FRMD5: variants seen among roughly 807,000 people sequenced by gnomAD.
FRMD5 encodes FERM domain containing 5.
A neutral mutation model predicts 69.0 loss-of-function variants in FRMD5; 20 were observed. That is an observed-to-expected ratio of 0.29 (90% confidence interval 0.20 to 0.42). The LOEUF is 0.42. Among genes scored for constraint, FRMD5 ranks in the 10% least tolerant of loss-of-function variants. FRMD5 has a pLI of 1.00. For missense variants in FRMD5, 595 were observed against 708.6 expected, an observed-to-expected ratio of 0.84 and a Z score of 1.82; for synonymous variants, 271 against 260.1, an observed-to-expected ratio of 1.04 and a Z score of -0.40.
At chr15:43,976,329 A>T (rs1226294575) in intron 1 of FRMD5, among the ~76,000 whole-genome samples, 1 of 152,226 alleles carries the variant, frequency 6.6e-6, no homozygotes, top group Non-Finnish European at 1.5e-5. Flanking sequence ...TTCAAAAGAA[A>T]CTGTTGAGAG....
chr15:44,071,039 T>C (rs926017601), intron 1 of FRMD5, among the ~76,000 whole-genome samples: 23 of 152,232 alleles, frequency 1.5e-4, no homozygotes, highest in African/African-American at 5.5e-4. Flanking sequence ...TCTCTTCATG[T>C]GACCCAAGAC....
chr15:43,902,167 G>A lies in FRMD5; in HGVS notation c.639+8C>T, dbSNP rs1169107841. On this transcript the variant is annotated splice_region_variant and intron_variant, in intron 7 of 13. Coordinates refer to ENST00000417257, the MANE Select transcript of FRMD5 (RefSeq NM_032892.5). ...AAGGTCATGCAGTCTCCAACCAGGG[G>A]GTCTTACCTTACATGGGTGAGGATC... is the stretch of plus-strand genomic sequence containing the variant. 14 of 1,608,288 alleles carry A rather than the reference G, an allele frequency of 8.7e-6. No homozygotes were observed. Among genetic ancestry groups the A allele is most frequent in the African/African-American group, 1.3e-5 (1 of 74,752 alleles).
chr15:43,884,646 G>T, intron 12 of FRMD5, 81 bp downstream of exon 12: 1 of 1,285,484 alleles, frequency 7.8e-7, no homozygotes, highest in Non-Finnish European at 1.1e-6. Context: ...GGAGCCAGGG[G>T]CTTCACAGTA....
At chr15:43,902,128 C>G in intron 7 of FRMD5, 47 bp downstream of exon 7, 1 of 1,434,180 alleles carries the variant, frequency 7.0e-7, no homozygotes, top group South Asian at 1.1e-5. Context: ...CTCCTGATGC[C>G]TTCTAGAGGA....
intron 10 of FRMD5, among the ~76,000 whole-genome samples, chr15:43,887,217 C>T (rs1026677987): frequency 1.3e-5 from 2 of 152,124 alleles, no homozygotes; most frequent in Non-Finnish European, 2.9e-5. Flanking sequence ...AGGCCCCTGT[C>T]GGCTAGTGCC....
intron 1 of FRMD5, among the ~76,000 whole-genome samples, chr15:43,996,715 A>ATTTTTTTTTTTTTT (rs11397296): frequency 4.4e-4 from 38 of 86,028 alleles, no homozygotes; most frequent in South Asian, 9.5e-4. Context: ...TCCTCAGCTG[A>ATTTTTTTTTTTTTT]TTTTTTTTTT....
At chr15:44,085,885 A>C (rs1390514283) in intron 1 of FRMD5, among the ~76,000 whole-genome samples, 1 of 152,184 alleles carries the variant, frequency 6.6e-6, no homozygotes, top group Non-Finnish European at 1.5e-5. Flanking sequence ...TATCTTATCA[A>C]TAATGAAATG....
At chr15:44,146,878 G>A (rs2077365013) in intron 1 of FRMD5, among the ~76,000 whole-genome samples, 1 of 152,066 alleles carries the variant, frequency 6.6e-6, no homozygotes, top group African/African-American at 2.4e-5. Flanking sequence ...TAAGTTCCTT[G>A]TAGATTCTGG....
intron 1 of FRMD5, among the ~76,000 whole-genome samples, chr15:44,168,743 T>A (rs1386814686): frequency 6.6e-6 from 1 of 152,228 alleles, no homozygotes; most frequent in Non-Finnish European, 1.5e-5. Context: ...ATCCCCAACG[T>A]ACTTCATTTT....
chr15:44,096,672 G>C (rs1296547615), intron 1 of FRMD5, among the ~76,000 whole-genome samples: 2 of 152,014 alleles, frequency 1.3e-5, no homozygotes, highest in South Asian at 2.1e-4. Flanking sequence ...CAAAGTGCTG[G>C]GATTACAGCA....
intron 1 of FRMD5, among the ~76,000 whole-genome samples, chr15:43,932,725 C>T (rs887094323): frequency 6.6e-6 from 1 of 152,166 alleles, no homozygotes; most frequent in Non-Finnish European, 1.5e-5. Flanking sequence ...TGGGAGCTAC[C>T]TGTAGCATTA....
upstream of FRMD5, among the ~76,000 whole-genome samples, chr15:44,198,833 C>T (rs1233910527): frequency 6.6e-6 from 1 of 152,196 alleles, no homozygotes; most frequent in Non-Finnish European, 1.5e-5. Flanking sequence ...AACCAGCGTG[C>T]CATAGCTTTC....
At chr15:43,935,619 G>C (rs909222739) in intron 1 of FRMD5, among the ~76,000 whole-genome samples, 4 of 152,168 alleles carry the variant, frequency 2.6e-5, no homozygotes, top group African/African-American at 9.7e-5. Context: ...CAGTGTGATA[G>C]AGAGAGCAAA....
chr15:43,898,565 T>C (rs1365246439), intron 7 of FRMD5, among the ~76,000 whole-genome samples: 1 of 152,140 alleles, frequency 6.6e-6, no homozygotes, highest in Non-Finnish European at 1.5e-5. Flanking sequence ...GACATCTCCG[T>C]AAGTTGGGCC....
intron 1 of FRMD5, among the ~76,000 whole-genome samples, chr15:44,164,978 C>T (rs965576152): frequency 1.3e-5 from 2 of 152,192 alleles, no homozygotes; most frequent in African/African-American, 4.8e-5. Flanking sequence ...TCCTCTCAGA[C>T]TGGCTCTGTA....
intron 1 of FRMD5, among the ~76,000 whole-genome samples, chr15:44,133,422 A>T (rs1422962859): frequency 6.6e-6 from 1 of 151,576 alleles, no homozygotes; most frequent in African/African-American, 2.4e-5. Flanking sequence ...TAAAAATACA[A>T]AAAATTAGCC....
At chr15:44,050,528 CTTTTTTTT>C (rs34133842) in intron 1 of FRMD5, among the ~76,000 whole-genome samples, 12 of 93,746 alleles carry the variant, frequency 1.3e-4, no homozygotes, top group South Asian at 8.6e-4. Flanking sequence ...GCCTGGCTCC[CTTTTTTTT>C]TTTTTTTTTT....
Position 44,098,083 on chromosome 15 carries a change from T to A in FRMD5, c.102+96870A>T, listed in dbSNP as rs552213880. On this transcript the variant is annotated intron_variant, in intron 1 of 13. Transcript: ENST00000417257. The stretch of plus-strand genomic sequence containing the variant: ...AATGCCTAAAGCAGCCAGAAAGTAA[T>A]GCCATGCTCCCAAAAGTTCAGAGTG... Among the ~76,000 whole-genome samples the A allele has an allele frequency of 5.1e-5, 7 of 137,120 alleles. No individual in the cohort carries two copies. The South Asian group carries it at 1.6e-3, about 32-fold the overall frequency. The allele number at this position is 137,120 out of a possible 152,430, so 90.0% of individuals were successfully genotyped here.
intron 4 of FRMD5, among the ~76,000 whole-genome samples, chr15:43,912,069 G>C (rs1020526676): frequency 6.6e-6 from 1 of 152,088 alleles, no homozygotes; most frequent in Non-Finnish European, 1.5e-5. Flanking sequence ...AAAGAATATA[G>C]GCCCATCCTA....
Sources: gnomAD v4.1 joint callset for allele counts (sites outside exome capture counted in the v4.1 genomes callset) on GRCh38, gnomAD v4.1.1 for gene constraint, MANE v1.5 for transcripts, NCBI Gene and HGNC (gene_info 2026-07-23, HGNC 2026-07-21) for gene names.